The following ZNF768 variants were observed in gnomAD, a reference collection of about 807,000 sequenced individuals.
ZNF768 encodes zinc finger protein 768.
Under a neutral mutation model 39.7 loss-of-function variants are expected in ZNF768, and 12 were observed. That is an observed-to-expected ratio of 0.30 (90% CI 0.19 to 0.49). ZNF768 has a LOEUF of 0.49. ZNF768 is among the 20% of genes least tolerant of loss of function. The pLI is 0.99. For missense variants in ZNF768, 613 were observed against 723.2 expected, an observed-to-expected ratio of 0.85 and a Z score of 1.75; for synonymous variants, 360 against 288.4, an observed-to-expected ratio of 1.25 and a Z score of -2.52.
rs757544313 is a variant in ZNF768, at chr16:30,524,933, A to C, written c.1207T>G (p.Cys403Gly). The part of the protein sequence containing the change: ...RVHTGQRPFS[C>G]GICGKSFSQR... ...GAGAAGCTCTTGCCGCAGATGCCAC[A>C]GCTGAAGGGCCTCTGACCGGTGTGC... The change falls in exon 2 of 2, where the codon TGT becomes GGT. Residue 403 changes from cysteine to glycine, a missense_variant. Cys to Gly is a radical substitution (Grantham distance 159, BLOSUM62 -3). Coordinates refer to ENST00000380412, the MANE Select transcript of ZNF768 (RefSeq NM_024671.4). The C allele has an allele frequency of 1.9e-6, 3 of 1,613,692 alleles. No homozygotes were observed. Among genetic ancestry groups the C allele is most frequent in the South Asian group, 1.1e-5 (1 of 91,084 alleles).
At position 30,524,955 on chromosome 16, in the gene ZNF768, G is replaced by A. The variant is rs772521049; in HGVS notation, c.1185C>T (p.His395=). The change falls in exon 2 of 2, where the codon CAC becomes CAT. Residue 395 remains histidine, a synonymous_variant. Coordinates refer to ENST00000380412, the MANE Select transcript of ZNF768 (RefSeq NM_024671.4). ...CACAGCTGAAGGGCCTCTGACCGGT[G>A]TGCACCCTCTGATGGCTGCGCAGGG... ...NSSLRSHQRV[H]TGQRPFSCGI... is the part of the protein sequence containing the mutation. 1.2e-6 allele frequency: 2 copies of A among 1,613,674 alleles called. No individual in the cohort carries two copies. Among genetic ancestry groups the A allele is most frequent in the South Asian group, 2.2e-5 (2 of 91,072 alleles).
rs2051309078 is a variant in ZNF768 at position 30,525,117 on chromosome 16, G to A, written c.1023C>T (p.Gly341=). The change falls in exon 2 of 2, where the codon GGC becomes GGT. Residue 341 remains glycine (G), a synonymous_variant. Coordinates refer to ENST00000380412, the MANE Select transcript of ZNF768 (RefSeq NM_024671.4). ...AATGTGGGCACTTGTAGGGCTTCTG[G>A]CCAGAGTGAGTGCGCTGGTGGCGAA... ...YLLRHQRTHS[G]QKPYKCPHCG... is the part of the protein sequence containing the mutation. 2 of 1,613,706 alleles carry A rather than the reference G, an allele frequency of 1.2e-6. No individual in the cohort carries two copies. Among genetic ancestry groups the A allele is most frequent in the Non-Finnish European group, 1.7e-6 (2 of 1,179,914 alleles).
In ZNF768 at chr16:30,524,721, G is replaced by T. The variant is rs1194829254; in HGVS notation, c.1419C>A (p.Ile473=). 1 of 1,611,792 alleles carries T rather than the reference G, an allele frequency of 6.2e-7. No individual in the cohort carries two copies. The highest frequency in any genetic ancestry group is 2.2e-5 in the East Asian group (1 of 44,690). The change falls in exon 2 of 2, where the codon ATC becomes ATA. Residue 473 remains isoleucine, a synonymous_variant. Transcript: ENST00000380412. The part of the protein sequence containing the change: ...GKTFNRSSTL[I]QHQRSHTGER... Reference sequence around the variant, plus strand: ...CGCCCGTGTGGGAGCGCTGGTGCTGGATGAGAGTGGAGGAGCGATTGAAGG... The same window carrying T: ...CGCCCGTGTGGGAGCGCTGGTGCTGTATGAGAGTGGAGGAGCGATTGAAGG...
chr16:30,529,115 TG>T (rs1320049746), upstream of ZNF768, among the ~76,000 whole-genome samples: 1 of 152,082 alleles, frequency 6.6e-6, no homozygotes, highest in Non-Finnish European at 1.5e-5. Context: ...AGGACCAGGG[TG>T]CCATCTATGC....
chr16:30,527,237 C>G, upstream of ZNF768: 1 of 985,680 alleles, frequency 1.0e-6, no homozygotes, highest in Non-Finnish European at 1.2e-6. Context: ...GAGCCTGGGA[C>G]CCCCTCCAGG....
upstream of ZNF768, chr16:30,526,795 C>A: frequency 5.3e-6 from 2 of 374,150 alleles, no homozygotes; most frequent in African/African-American, 2.5e-5. Flanking sequence ...CGCCCAGCAC[C>A]CCCCCACCCT....
At chr16:30,529,607 G>A (rs2051353192), upstream of ZNF768, among the ~76,000 whole-genome samples, 1 of 152,180 alleles carries the variant, frequency 6.6e-6, no homozygotes, top group Non-Finnish European at 1.5e-5. Flanking sequence ...CACGGCACAG[G>A]GCCCTTTGGA....
At chr16:30,529,638 C>CT (rs1423831485), upstream of ZNF768, among the ~76,000 whole-genome samples, 2 of 152,164 alleles carry the variant, frequency 1.3e-5, no homozygotes, top group African/African-American at 2.4e-5. Context: ...AAATGGAGGT[C>CT]TTTGTGTATG....
chr16:30,527,037 G>A, upstream of ZNF768: 1 of 985,346 alleles, frequency 1.0e-6, no homozygotes, highest in Non-Finnish European at 1.2e-6. Flanking sequence ...TCCATCTCCC[G>A]GGCCCCGCGT....
chr16:30,524,613 G>A lies in ZNF768; in HGVS notation c.1527C>T (p.Gly509=), dbSNP rs1310677405. Reference sequence around the variant, plus strand: ...AGTCATCGCACTTGTAAGGCCGCTCGCCACTGTGGACCCGGTGATGCTGCA... The same window carrying A: ...AGTCATCGCACTTGTAAGGCCGCTCACCACTGTGGACCCGGTGATGCTGCA... ...TLLQHHRVHS[G]ERPYKCDDCG... is the part of the protein sequence containing the mutation. Residue 509 remains glycine (G), a synonymous_variant, in exon 2 of 2, where the codon GGC becomes GGT. Transcript: ENST00000380412. 11 of 1,612,708 alleles carry A rather than the reference G, an allele frequency of 6.8e-6. No homozygotes were observed. In the South Asian group the frequency reaches 7.7e-5, roughly 11 times the overall value.
At chr16:30,526,155 C>A in intron 1 of ZNF768, 104 bp from the exon 2 acceptor site, 1 of 1,500,368 alleles carries the variant, frequency 6.7e-7, no homozygotes, top group Non-Finnish European at 8.9e-7. Flanking sequence ...GGCCCCTAGA[C>A]AAGTGCTGAA....
chr16:30,526,124 C>A, intron 1 of ZNF768, 73 bp from the exon 2 acceptor site: 1 of 1,493,646 alleles, frequency 6.7e-7, no homozygotes, highest in Non-Finnish European at 8.9e-7. Context: ...ACACACCTCC[C>A]ACCTCACATG....
chr16:30,527,850 A>C (rs2051342297), upstream of ZNF768: 1 of 152,134 alleles, frequency 6.6e-6, no homozygotes, highest in Non-Finnish European at 1.5e-5. Context: ...GGGTGATACA[A>C]AGGAGAATTG....
rs1415375744 is a variant in ZNF768 at position 30,525,364 on chromosome 16, C to T, written c.776G>A (p.Arg259Gln). Reference sequence around the variant, plus strand: ...CCCGCAGATGCCACAGATGTTAGGCCGAGGGCCCTGCCCACCCCTGGCCCG... The same window carrying T: ...CCCGCAGATGCCACAGATGTTAGGCTGAGGGCCCTGCCCACCCCTGGCCCG... ...GGRARGGQGP[R>Q]PNICGICGKS... Residue 259 changes from arginine (R) to glutamine (Q), a missense_variant, in exon 2 of 2, where the codon CGG becomes CAG. By Grantham distance (43) the Arg-to-Gln change is conservative. This residue lies in a region of ZNF768 where 347 missense variants were observed against 326.1 expected (regional missense o/e 1.06). Transcript: ENST00000380412. 4.3e-6 allele frequency: 7 copies of T among 1,614,098 alleles called. No individual in the cohort carries two copies. The Admixed American group carries it at 5.0e-5, about 12-fold the overall frequency.
chr16:30,524,337 T>A lies in ZNF768; in HGVS notation c.*180A>T. On this transcript the variant is annotated 3_prime_UTR_variant, in exon 2 of 2. Transcript: ENST00000380412. Reference sequence around the variant, plus strand: ...CCTCCCGCTGCCGGCCTGGCCTCCCTCCAACCCACTTCCCACAAGTCTCCA... The same window carrying A: ...CCTCCCGCTGCCGGCCTGGCCTCCCACCAACCCACTTCCCACAAGTCTCCA... 9.3e-7 allele frequency: 1 copy of A among 1,072,866 alleles called. No homozygotes were observed. The highest frequency in any genetic ancestry group is 2.8e-5 in the East Asian group (1 of 35,266). The allele number at this position is 1,072,866 out of a possible 1,614,324, so 66.5% of individuals were successfully genotyped here.
chr16:30,524,610 C>T lies in ZNF768; in HGVS notation c.1530G>A (p.Glu510=), dbSNP rs2151214165. The change falls in exon 2 of 2, where the codon GAG becomes GAA. Residue 510 remains glutamate, a synonymous_variant. Coordinates refer to ENST00000380412, the MANE Select transcript of ZNF768 (RefSeq NM_024671.4). ...CGCAGTCATCGCACTTGTAAGGCCGCTCGCCACTGTGGACCCGGTGATGCT... is the reference window on the plus strand; with the variant it reads ...CGCAGTCATCGCACTTGTAAGGCCGTTCGCCACTGTGGACCCGGTGATGCT... The part of the protein sequence containing the change: ...LLQHHRVHSG[E]RPYKCDDCGK... 1.2e-6 allele frequency: 2 copies of T among 1,612,882 alleles called. No individual in the cohort carries two copies. The highest frequency in any genetic ancestry group is 2.2e-5 in the South Asian group (2 of 91,058).
upstream of ZNF768, chr16:30,530,586 G>C (rs2051361091): frequency 6.6e-6 from 1 of 152,338 alleles, no homozygotes; most frequent in East Asian, 1.9e-4. The surrounding 1 kb of genome is among the most constrained non-coding windows in gnomAD (Gnocchi z 4.4). Context: ...CTGTGATAAA[G>C]TGACACACGA....
In ZNF768 at chr16:30,524,457, C is replaced by T; in HGVS notation, c.*60G>A. On this transcript the variant is annotated 3_prime_UTR_variant, in exon 2 of 2. Transcript: ENST00000380412. Reference sequence around the variant, plus strand: ...TCTCCACTATCCTCCCTAAAGGTTCCTCTAGCTCCCTGGCCCCTTATCTTC... The same window carrying T: ...TCTCCACTATCCTCCCTAAAGGTTCTTCTAGCTCCCTGGCCCCTTATCTTC... 1.3e-6 allele frequency: 2 copies of T among 1,544,576 alleles called. No homozygotes were observed. The highest frequency in any genetic ancestry group is 8.7e-7 in the Non-Finnish European group (1 of 1,154,110).
the ZNF768 span, chr16:30,532,448 T>C: frequency 6.4e-7 from 1 of 1,551,536 alleles, no homozygotes. Flanking sequence ...TTCGGGCCCC[T>C]GAGCCCATCT....
Sources: allele counts gnomAD v4.1 joint callset (sites outside exome capture counted in the v4.1 genomes callset), GRCh38; gene constraint gnomAD v4.1.1; regional missense constraint gnomAD v4.1.1; non-coding constraint Gnocchi (gnomAD v3.1); transcripts MANE v1.5; gene names NCBI Gene and HGNC (gene_info 2026-07-23, HGNC 2026-07-21).